MGARP: variants seen among roughly 807,000 people sequenced by gnomAD.
MGARP encodes protein MGARP.
A neutral mutation model predicts 11.0 loss-of-function variants in MGARP; 12 were observed. That is an observed-to-expected ratio of 1.09 (90% CI 0.70 to 1.77). MGARP has a LOEUF of 1.77. MGARP is among the 40% of genes most tolerant of loss of function. MGARP has a pLI of 0.00. For synonymous variants in MGARP, 110 were observed against 115.4 expected (o/e 0.95, Z 0.30); for missense variants, 283 against 297.8 (o/e 0.95, Z 0.36).
At chr4:139,267,146 G>T in intron 3 of MGARP, 105 bp from the exon 4 acceptor site, 2 of 1,047,558 alleles carry the variant, frequency 1.9e-6, no homozygotes, top group Non-Finnish European at 2.8e-6. Context: ...ATGCACTGAT[G>T]TGTAACAGTC....
At chr4:139,271,679 A>T (rs1381036762) in intron 2 of MGARP, among the ~76,000 whole-genome samples, 1 of 152,224 alleles carries the variant, frequency 6.6e-6, no homozygotes, top group Non-Finnish European at 1.5e-5. Context: ...AGTACAGGAC[A>T]TGAAATGGAA....
chr4:139,272,616 G>GGTTTT (rs1173288011), intron 2 of MGARP, among the ~76,000 whole-genome samples: 4 of 149,292 alleles, frequency 2.7e-5, no homozygotes, highest in Non-Finnish European at 3.0e-5. Context: ...GGTTTGGTTT[G>GGTTTT]GTTTGGCCAT....
In MGARP at chr4:139,266,829, C is replaced by T. The variant is rs1649979383; in HGVS notation, c.493G>A (p.Ala165Thr). The change falls in exon 4 of 4, where the codon GCG becomes ACG. Residue 165 changes from alanine (A) to threonine (T), a missense_variant. Coordinates refer to ENST00000398955, the MANE Select transcript of MGARP (RefSeq NM_032623.4). ...ETGPEVTDAA[A>T]RETTEVNPET... ...GGGTTTACTTCCGTGGTTTCCCTCG[C>T]CGCTGCATCTGTGACCTCTGGCCCG... 6.2e-7 allele frequency: 1 copy of T among 1,613,638 alleles called. No homozygotes were observed. Among genetic ancestry groups the T allele is most frequent in the Admixed American group, 1.7e-5 (1 of 59,564 alleles).
intron 2 of MGARP, among the ~76,000 whole-genome samples, chr4:139,274,581 T>C (rs1244928085): frequency 6.6e-6 from 1 of 152,126 alleles, no homozygotes; most frequent in Non-Finnish European, 1.5e-5. Context: ...CCTCCTAGGT[T>C]CAAGAGATTC....
At chr4:139,277,654 A>G (rs1426935066) in intron 1 of MGARP, among the ~76,000 whole-genome samples, 1 of 152,230 alleles carries the variant, frequency 6.6e-6, no homozygotes, top group Admixed American at 6.5e-5. Flanking sequence ...AAACAAATAG[A>G]CATAACTTTT....
chr4:139,273,508 T>A (rs1221899444), intron 2 of MGARP, among the ~76,000 whole-genome samples: 1 of 148,774 alleles, frequency 6.7e-6, no homozygotes, highest in African/African-American at 2.5e-5. Context: ...ATTACTTTTA[T>A]TCTTTTTTTT....
chr4:139,272,762 CT>C (rs1397034515), intron 2 of MGARP, among the ~76,000 whole-genome samples: 6 of 144,672 alleles, frequency 4.1e-5, no homozygotes, highest in African/African-American at 1.5e-4. Flanking sequence ...TCTTGGCTCA[CT>C]GCAACCTCCG....
intron 3 of MGARP, among the ~76,000 whole-genome samples, chr4:139,267,738 G>T (rs568163706): frequency 6.6e-6 from 1 of 152,256 alleles, no homozygotes; most frequent in Non-Finnish European, 1.5e-5. Context: ...GGTTAAAACT[G>T]ATTCATAAGC....
chr4:139,266,915 G>C lies in MGARP; in HGVS notation c.407C>G (p.Ala136Gly), dbSNP rs777965916. Residue 136 changes from alanine to glycine, a missense_variant, in exon 4 of 4, where the codon GCA becomes GGA. Transcript: ENST00000398955. ...CTCCACGTGACCTGGACAGGCAGATGCCTCTTTTATGACCACAACTGTAGC... is the reference window on the plus strand; with the variant it reads ...CTCCACGTGACCTGGACAGGCAGATCCCTCTTTTATGACCACAACTGTAGC... ...PSATVVVIKE[A>G]SACPGHVEAA... is the part of the protein sequence containing the mutation. 1.9e-6 allele frequency: 3 copies of C among 1,614,168 alleles called. No individual in the cohort carries two copies. In the Admixed American group the frequency reaches 5.0e-5, roughly 27 times the overall value.
Position 139,280,077 on chromosome 4 carries a change from C to G in MGARP, c.82G>C (p.Ala28Pro). The change falls in exon 1 of 4, where the codon GCA becomes CCA. Residue 28 changes from alanine to proline, a missense_variant and splice_region_variant. Physicochemically the swap from Ala to Pro is conservative, Grantham distance 27. Transcript: ENST00000398955. ...CTCCGGGCTAGACCTCCTTACTCAC[C>G]GTCCTTTCCGAGCGGCGCGGGGTTG... ...PPNPAPLGKD[A>P]SLRRMSSNRF... 1 of 1,612,116 alleles carries G rather than the reference C, an allele frequency of 6.2e-7. No homozygotes were observed. Among genetic ancestry groups the G allele is most frequent in the South Asian group, 1.1e-5 (1 of 91,038 alleles).
chr4:139,278,611 T>C (rs1033341799), intron 1 of MGARP, among the ~76,000 whole-genome samples: 10 of 152,108 alleles, frequency 6.6e-5, no homozygotes, highest in African/African-American at 1.9e-4. Context: ...TGTGTGTGCG[T>C]GCACGCGCGC....
At chr4:139,270,655 AAGTGATGT>A (rs1744767327) in intron 2 of MGARP, among the ~76,000 whole-genome samples, 1 of 151,392 alleles carries the variant, frequency 6.6e-6, no homozygotes, top group Non-Finnish European at 1.5e-5. Flanking sequence ...TGTCGGGTAG[AAGTGATGT>A]AAAGTGACCC....
chr4:139,276,048 T>C (rs574723473), intron 1 of MGARP, among the ~76,000 whole-genome samples: 1 of 152,322 alleles, frequency 6.6e-6, no homozygotes, highest in Admixed American at 6.5e-5. Flanking sequence ...TATTTAAACA[T>C]TTATTTTGTA....
In MGARP at chr4:139,275,500, A is replaced by C. The variant is rs1286177660; in HGVS notation, c.83-108T>G. ...TACTCAGTGAACCTAGAATCTATTA[A>C]CATCAAGTGATTTTAGCTTAAGGGA... On this transcript the variant is annotated intron_variant, in intron 1 of 3. Transcript: ENST00000398955. 1.0e-5 allele frequency: 8 copies of C among 769,036 alleles called. No homozygotes were observed. In the Admixed American group the frequency reaches 2.1e-4, roughly 20 times the overall value. The allele number at this position is 769,036 out of a possible 1,614,324, so 47.6% of individuals were successfully genotyped here.
chr4:139,275,135 T>A (rs1744845844), intron 2 of MGARP, among the ~76,000 whole-genome samples, 154 bp downstream of exon 2: 1 of 152,252 alleles, frequency 6.6e-6, no homozygotes, highest in African/African-American at 2.4e-5. Context: ...GATTGCCACC[T>A]ATTTTTCAGA....
rs34302192 is a variant in MGARP at position 139,272,057 on chromosome 4, G to GT, written c.186+3231dup. ...ATCACATGGCCTAGTCTCAATCTCT[G>GT]TTTTTTTTTTTTGGTGGCCTACACC... is the stretch of plus-strand genomic sequence containing the variant. On this transcript the variant is annotated intron_variant, in intron 2 of 3. Coordinates refer to ENST00000398955, the MANE Select transcript of MGARP (RefSeq NM_032623.4). 6.2e-3 allele frequency among the ~76,000 whole-genome samples: 896 copies of GT among 144,666 alleles called. 2 individuals are homozygous for GT. Among genetic ancestry groups the GT allele is most frequent in the African/African-American group, 9.2e-3 (365 of 39,484 alleles). The allele number at this position is 144,666 out of a possible 152,430, so 94.9% of individuals were successfully genotyped here.
In MGARP at chr4:139,280,018, G is replaced by A. The variant is rs913466415; in HGVS notation, c.82+59C>T. On this transcript the variant is annotated intron_variant, in intron 1 of 3. Transcript: ENST00000398955. ...TGGGTGCCGGCCGGTTCCCTGGCGCGGGCGAAATCTGCACCCGAGGCGCCC... is the reference window on the plus strand; with the variant it reads ...TGGGTGCCGGCCGGTTCCCTGGCGCAGGCGAAATCTGCACCCGAGGCGCCC... The A allele has an allele frequency of 1.1e-5, 17 of 1,579,760 alleles. No individual in the cohort carries two copies. The African/African-American group carries it at 2.2e-4, about 20-fold the overall frequency.
At chr4:139,271,648 A>G (rs1375982048) in intron 2 of MGARP, among the ~76,000 whole-genome samples, 1 of 152,232 alleles carries the variant, frequency 6.6e-6, no homozygotes, top group African/African-American at 2.4e-5. Flanking sequence ...ATTCATAAAA[A>G]TCTAATATAG....
rs1479796848 is a variant in MGARP at position 139,268,907 on chromosome 4, G to T, written c.187-142C>A. 7 of 554,548 alleles carry T rather than the reference G, an allele frequency of 1.3e-5. No individual in the cohort carries two copies. The African/African-American group carries it at 1.3e-4, about 11-fold the overall frequency. The allele number at this position is 554,548 out of a possible 1,614,324, so 34.4% of individuals were successfully genotyped here. On this transcript the variant is annotated intron_variant, in intron 2 of 3. Coordinates refer to ENST00000398955, the MANE Select transcript of MGARP (RefSeq NM_032623.4). The stretch of plus-strand genomic sequence containing the variant: ...AGTGTAGCAAAGAAGAGAAATCAGT[G>T]CACACCACTTACTCTTTTACTTCCC...
Sources: allele counts gnomAD v4.1 joint callset (sites outside exome capture counted in the v4.1 genomes callset), GRCh38; gene constraint gnomAD v4.1.1; transcripts MANE v1.5; gene names NCBI Gene and HGNC (gene_info 2026-07-23, HGNC 2026-07-21).